Variants in LOXL2 observed in about 807,000 individuals in gnomAD.
The protein encoded by LOXL2 is lysyl oxidase like 2, also known as lysyl oxidase homolog 2.
Under a neutral mutation model 93.0 loss-of-function variants are expected in LOXL2, and 70 were observed. The ratio of observed to expected loss-of-function variants is 0.75; its 90% CI spans 0.62 to 0.92. The LOEUF is 0.92. Ranked by LOEUF, LOXL2 falls within the 40% of genes least tolerant of loss-of-function variation. The pLI is 0.00. For missense variants in LOXL2, 973 were observed against 1,054.9 expected (o/e 0.92, Z 1.08); for synonymous variants, 438 against 413.2 (o/e 1.06, Z -0.73).
At chr8:23,385,945 A>G in intron 1 of LOXL2, 1 of 765,332 alleles carries the variant, frequency 1.3e-6, no homozygotes, top group Non-Finnish European at 2.4e-6. Context: ...CAAGCAGCAC[A>G]TTGCAAGTGT....
intron 3 of LOXL2, among the ~76,000 whole-genome samples, chr8:23,343,327 G>A (rs1424518108): frequency 6.6e-6 from 1 of 152,220 alleles, no homozygotes; most frequent in Non-Finnish European, 1.5e-5. Context: ...TAATGAGGTG[G>A]TTGATAGCTA....
chr8:23,359,025 T>C (rs1265115643), intron 3 of LOXL2, among the ~76,000 whole-genome samples: 2 of 152,090 alleles, frequency 1.3e-5, no homozygotes, highest in Non-Finnish European at 2.9e-5. Context: ...TTCTTTTTTT[T>C]GTATTTTTAG....
At chr8:23,319,235 G>A (rs989821108) in intron 8 of LOXL2, among the ~76,000 whole-genome samples, 2 of 145,756 alleles carry the variant, frequency 1.4e-5, no homozygotes, top group African/African-American at 2.5e-5. Flanking sequence ...GGAATGCGTC[G>A]GGATTAGACC....
At chr8:23,371,638 G>C (rs1731367370) in intron 1 of LOXL2, among the ~76,000 whole-genome samples, 1 of 151,068 alleles carries the variant, frequency 6.6e-6, no homozygotes, top group Admixed American at 6.6e-5. Flanking sequence ...TGTAGTCCCA[G>C]CTACTCGGGA....
chr8:23,318,417 G>A (rs886199746), intron 8 of LOXL2, among the ~76,000 whole-genome samples: 2 of 126,260 alleles, frequency 1.6e-5, no homozygotes, highest in African/African-American at 6.0e-5. Flanking sequence ...ACATCCTATT[G>A]GTTGATAGCA....
At chr8:23,367,022 T>C (rs1295398123) in intron 2 of LOXL2, among the ~76,000 whole-genome samples, 1 of 152,172 alleles carries the variant, frequency 6.6e-6, no homozygotes, top group Non-Finnish European at 1.5e-5. Flanking sequence ...GCCTCAAAGC[T>C]GTTAAAGCAA....
Position 23,328,433 on chromosome 8 carries a change from G to C in LOXL2, c.1099C>G (p.Leu367Val). The C allele has an allele frequency of 3.7e-6, 6 of 1,614,110 alleles. No individual in the cohort carries two copies. The highest frequency in any genetic ancestry group is 3.4e-6 in the Non-Finnish European group (4 of 1,180,038). Residue 367 changes from leucine (L) to valine (V), a missense_variant, in exon 6 of 14, where the codon CTG becomes GTG. By Grantham distance (32) the Leu-to-Val change is conservative. Transcript: ENST00000389131. ...GCCTCTTTGGCACTCCCAAAGCCCA[G>C]CTCTCTGCAGACCACACTGGCCGAC... ...LVSASVVCRE[L>V]GFGSAKEAVT...
intron 1 of LOXL2, among the ~76,000 whole-genome samples, chr8:23,397,467 G>A (rs1184952247): frequency 6.6e-6 from 1 of 152,184 alleles, no homozygotes; most frequent in Non-Finnish European, 1.5e-5. Context: ...CTTGGGGTGG[G>A]TGAAATCATC....
At chr8:23,349,805 T>C (rs1291701336) in intron 3 of LOXL2, among the ~76,000 whole-genome samples, 2 of 151,910 alleles carry the variant, frequency 1.3e-5, no homozygotes, top group Admixed American at 6.5e-5. Context: ...GGACCCACTA[T>C]AGCCAGACAC....
At chr8:23,375,062 G>C (rs913686651) in intron 1 of LOXL2, among the ~76,000 whole-genome samples, 4 of 152,016 alleles carry the variant, frequency 2.6e-5, no homozygotes, top group African/African-American at 9.7e-5. Context: ...TTTCTTCTAG[G>C]GTTTTTATGG....
intron 10 of LOXL2, among the ~76,000 whole-genome samples, chr8:23,304,766 A>G (rs1263331320): frequency 6.6e-6 from 1 of 152,170 alleles, no homozygotes. Flanking sequence ...TACATCCACT[A>G]ACACTGCTGC....
chr8:23,396,003 G>C (rs1414698676), intron 1 of LOXL2, among the ~76,000 whole-genome samples: 1 of 152,062 alleles, frequency 6.6e-6, no homozygotes, highest in Non-Finnish European at 1.5e-5. Flanking sequence ...TAAACTCTTA[G>C]AGTCACTGAT....
At chr8:23,327,776 C>T (rs1411248262) in intron 6 of LOXL2, among the ~76,000 whole-genome samples, 1 of 152,180 alleles carries the variant, frequency 6.6e-6, no homozygotes, top group African/African-American at 2.4e-5. Flanking sequence ...ACATCACTTT[C>T]CACCAACGGA....
At chr8:23,398,497 A>C (rs1307856803) in intron 1 of LOXL2, among the ~76,000 whole-genome samples, 2 of 151,978 alleles carry the variant, frequency 1.3e-5, no homozygotes, top group African/African-American at 4.8e-5. Context: ...GAACCTACTA[A>C]CTGTGTTCCT....
At position 23,297,458 on chromosome 8, in the gene LOXL2, A is replaced by C. The variant is rs2117133134; in HGVS notation, c.*585T>G. 6.6e-6 allele frequency: 1 copy of C among 152,418 alleles called. No homozygotes were observed. The highest frequency in any genetic ancestry group is 1.9e-4 in the East Asian group (1 of 5,184). The allele number at this position is 152,418 out of a possible 1,614,324, so 9.4% of individuals were successfully genotyped here. A position where few individuals can be genotyped will look rare whatever the true frequency, so the allele number is the denominator to read the frequency against. ...TATAATAATAGTATCTTGAAAAACAAGGGGTGGGGGCTGTGGATAGGGAAG... is the reference window on the plus strand; with the variant it reads ...TATAATAATAGTATCTTGAAAAACACGGGGTGGGGGCTGTGGATAGGGAAG... On this transcript the variant is annotated 3_prime_UTR_variant, in exon 14 of 14. Transcript: ENST00000389131.
At chr8:23,375,605 A>C (rs1585377334) in intron 1 of LOXL2, among the ~76,000 whole-genome samples, 1 of 152,066 alleles carries the variant, frequency 6.6e-6, no homozygotes, top group African/African-American at 2.4e-5. Context: ...ATTTGTTTGT[A>C]TCCTCTTTTA....
chr8:23,330,807 G>C (rs75570820), intron 5 of LOXL2, among the ~76,000 whole-genome samples: 1 of 151,886 alleles, frequency 6.6e-6, no homozygotes, highest in East Asian at 2.0e-4. Flanking sequence ...GGTGTGGTGG[G>C]GGTTTGGGGG....
intron 6 of LOXL2, among the ~76,000 whole-genome samples, chr8:23,324,796 A>G (rs1803550574): frequency 6.6e-6 from 1 of 152,208 alleles, no homozygotes; most frequent in Non-Finnish European, 1.5e-5. Context: ...CTGAACTGTC[A>G]ACTAAGCTGG....
Position 23,400,691 on chromosome 8 carries a change from A to T in LOXL2, c.-84+3263T>A, listed in dbSNP as rs910767702. On this transcript the variant is annotated intron_variant, in intron 1 of 13. Coordinates refer to ENST00000389131, the MANE Select transcript of LOXL2 (RefSeq NM_002318.3). ...TACCAGCTGTCAGAGTACTCAGGTG[A>T]TGCTCAGAGAGGGGAGATTGTCCTC... is the stretch of plus-strand genomic sequence containing the variant. Among the ~76,000 whole-genome samples the T allele has an allele frequency of 1.8e-4, 28 of 152,276 alleles. No homozygotes were observed. In the South Asian group the frequency reaches 2.7e-3, roughly 15 times the overall value.
Sources: allele counts gnomAD v4.1 joint callset (sites outside exome capture counted in the v4.1 genomes callset), GRCh38; gene constraint gnomAD v4.1.1; transcripts MANE v1.5; gene names NCBI Gene and HGNC (gene_info 2026-07-23, HGNC 2026-07-21).